SNTG1: variants seen among roughly 807,000 people sequenced by gnomAD.
The protein encoded by SNTG1 is gamma-1-syntrophin.
Under a neutral mutation model 74.7 loss-of-function variants are expected in SNTG1, and 39 were observed. That is an observed-to-expected ratio of 0.52 (90% CI 0.40 to 0.68). The LOEUF is 0.68. Ranked by LOEUF, SNTG1 falls within the 30% of genes least tolerant of loss-of-function variation. The pLI is 0.00. For missense variants in SNTG1, 685 were observed against 609.5 expected (o/e 1.12, Z -1.30); for synonymous variants, 254 against 217.1 (o/e 1.17, Z -1.49).
chr8:50,744,819 G>A (rs2095551529), intron 17 of SNTG1, among the ~76,000 whole-genome samples: 1 of 151,860 alleles, frequency 6.6e-6, no homozygotes, highest in Non-Finnish European at 1.5e-5. Flanking sequence ...TTCAACTAAT[G>A]GTGTTTGTTA....
chr8:50,487,702 G>T (rs184613196), intron 8 of SNTG1, among the ~76,000 whole-genome samples: 2 of 151,458 alleles, frequency 1.3e-5, no homozygotes, highest in Admixed American at 6.6e-5. Context: ...TCGGAGGGGG[G>T]GGAGGGATAG....
chr8:49,935,492 A>G (rs1417891855), intron 1 of SNTG1, among the ~76,000 whole-genome samples: 1 of 148,030 alleles, frequency 6.8e-6, no homozygotes. Flanking sequence ...CTGGAAAAAA[A>G]GTGGCTTCAT....
At chr8:50,060,908 C>T (rs919778907) in intron 1 of SNTG1, among the ~76,000 whole-genome samples, 1 of 152,124 alleles carries the variant, frequency 6.6e-6, no homozygotes, top group African/African-American at 2.4e-5. Flanking sequence ...ATAAATCCCA[C>T]TTAGTCAGTG....
intron 2 of SNTG1, among the ~76,000 whole-genome samples, chr8:50,217,046 T>C (rs1053504268): frequency 6.6e-6 from 1 of 151,572 alleles, no homozygotes; most frequent in Admixed American, 6.6e-5. Flanking sequence ...TATTGAAAAT[T>C]AATGAAACAA....
chr8:50,012,135 T>C (rs1433677988), intron 1 of SNTG1, among the ~76,000 whole-genome samples: 1 of 151,056 alleles, frequency 6.6e-6, no homozygotes, highest in Non-Finnish European at 1.5e-5. Flanking sequence ...TTAATTTCAA[T>C]TTTAAAAAGT....
intron 13 of SNTG1, among the ~76,000 whole-genome samples, chr8:50,593,509 A>G (rs528537515): frequency 6.6e-6 from 1 of 152,034 alleles, no homozygotes; most frequent in Admixed American, 6.6e-5. Context: ...TTGTAGTTGT[A>G]AAAAAAACCA....
chr8:50,274,323 G>A (rs1269618867), intron 2 of SNTG1, among the ~76,000 whole-genome samples: 3 of 152,012 alleles, frequency 2.0e-5, no homozygotes, highest in Admixed American at 2.0e-4. Context: ...CTGACCTCAA[G>A]TGATCCACTC....
chr8:50,084,187 C>G (rs748800283), intron 1 of SNTG1, among the ~76,000 whole-genome samples: 1 of 152,072 alleles, frequency 6.6e-6, no homozygotes, highest in South Asian at 2.1e-4. Context: ...ACTGGCCAGG[C>G]GCAGTGGCTC....
At chr8:50,732,120 ATAGCCAGAGGAAC>A (rs1347983625) in intron 17 of SNTG1, among the ~76,000 whole-genome samples, 12 of 152,056 alleles carry the variant, frequency 7.9e-5, no homozygotes, top group African/African-American at 2.9e-4. Flanking sequence ...ACACATTCTT[ATAGCCAGAGGAAC>A]TTTATTATGA....
intron 9 of SNTG1, among the ~76,000 whole-genome samples, chr8:50,523,145 A>T (rs753674238): frequency 2.6e-5 from 4 of 152,112 alleles, no homozygotes; most frequent in Non-Finnish European, 5.9e-5. Flanking sequence ...CTCAGCCTTT[A>T]TAGAATTGAA....
At chr8:50,260,836 A>C (rs767926028) in intron 2 of SNTG1, among the ~76,000 whole-genome samples, 2 of 152,106 alleles carry the variant, frequency 1.3e-5, no homozygotes, top group South Asian at 4.1e-4. Context: ...TATTAGGAGA[A>C]TGAACATGAT....
At chr8:50,430,875 C>T (rs113870929) in intron 4 of SNTG1, among the ~76,000 whole-genome samples, 2,087 of 152,222 alleles carry the variant, frequency 0.014, 36 homozygotes, top group Non-Finnish European at 0.02. Flanking sequence ...AGTTAGGAAT[C>T]GACATGGAAT....
intron 1 of SNTG1, among the ~76,000 whole-genome samples, chr8:49,999,711 G>T (rs369941553): frequency 1.6e-4 from 24 of 152,138 alleles, no homozygotes; most frequent in South Asian, 6.3e-4. Context: ...TCACTGCCAG[G>T]GCTTTTTGCC....
intron 1 of SNTG1, among the ~76,000 whole-genome samples, chr8:50,072,458 G>T (rs532130937): frequency 2.0e-5 from 3 of 152,264 alleles, no homozygotes; most frequent in South Asian, 4.1e-4. Flanking sequence ...GGCTTATACA[G>T]TTAATACTTG....
At chr8:50,734,131 T>C (rs1408275314) in intron 17 of SNTG1, among the ~76,000 whole-genome samples, 1 of 151,784 alleles carries the variant, frequency 6.6e-6, no homozygotes, top group Non-Finnish European at 1.5e-5. Context: ...GTGAAAGGGA[T>C]ACTATATAAA....
intron 2 of SNTG1, among the ~76,000 whole-genome samples, chr8:50,376,741 A>G (rs1176179296): frequency 1.9e-5 from 2 of 106,224 alleles, no homozygotes; most frequent in African/African-American, 6.8e-5. Flanking sequence ...ATATATATAT[A>G]TATATATATA....
At chr8:50,700,537 C>T (rs2095419907) in intron 15 of SNTG1, among the ~76,000 whole-genome samples, 1 of 152,154 alleles carries the variant, frequency 6.6e-6, no homozygotes, top group South Asian at 2.1e-4. Context: ...TCTCACTTAA[C>T]TCTCCAATAT....
intron 2 of SNTG1, among the ~76,000 whole-genome samples, chr8:50,239,389 T>C (rs1304509434): frequency 2.6e-5 from 4 of 152,102 alleles, no homozygotes; most frequent in Non-Finnish European, 5.9e-5. Flanking sequence ...CTTACAATCA[T>C]GGTGGAAGGG....
At chr8:50,078,429 C>T (rs1822099936) in intron 1 of SNTG1, among the ~76,000 whole-genome samples, 1 of 152,236 alleles carries the variant, frequency 6.6e-6, no homozygotes, top group African/African-American at 2.4e-5. Context: ...TTCTGTACTC[C>T]TTCTTAGCAA....
Sources: allele counts gnomAD v4.1 joint callset (sites outside exome capture counted in the v4.1 genomes callset), GRCh38; gene constraint gnomAD v4.1.1; transcripts MANE v1.5; gene names NCBI Gene and HGNC (gene_info 2026-07-23, HGNC 2026-07-21).